The following FOLH1 variants were observed in gnomAD, a reference collection of about 807,000 sequenced individuals.
FOLH1 encodes the protein folate hydrolase 1.
FOLH1 carries 54 observed loss-of-function variants against 93.9 expected under a neutral mutation model. The observed-to-expected ratio is 0.57, with a 90% CI of 0.46 to 0.72. The LOEUF (loss-of-function observed/expected upper bound fraction) is 0.72. FOLH1 is among the 30% of genes least tolerant of loss of function. The pLI is 0.00. For synonymous variants in FOLH1, 249 were observed against 303.6 expected (o/e 0.82, Z 1.87); for missense variants, 571 against 892.5 (o/e 0.64, Z 4.59).
intron 7 of FOLH1, among the ~76,000 whole-genome samples, chr11:49,178,996 A>G (rs1860416786): frequency 6.6e-6 from 1 of 152,242 alleles, no homozygotes; most frequent in South Asian, 2.1e-4. Flanking sequence ...AAGAAAATAC[A>G]TATAAAACCA....
intron 17 of FOLH1, among the ~76,000 whole-genome samples, chr11:49,151,761 C>A (rs1856536743): frequency 6.6e-6 from 1 of 152,022 alleles, no homozygotes; most frequent in African/African-American, 2.4e-5. Flanking sequence ...CTAAACAAAC[C>A]ACAATTCAAA....
intron 1 of FOLH1, among the ~76,000 whole-genome samples, chr11:49,207,373 A>C (rs1864095090): frequency 6.6e-6 from 1 of 152,246 alleles, no homozygotes; most frequent in Non-Finnish European, 1.5e-5. Flanking sequence ...TGTGTGGTTC[A>C]AAAATCTTTT....
At chr11:49,206,221 G>C (rs1485397642) in intron 1 of FOLH1, 49 bp from the exon 2 acceptor site, 3 of 1,605,552 alleles carry the variant, frequency 1.9e-6, no homozygotes. Context: ...CTATAGATAG[G>C]ACTTATTTTT....
intron 10 of FOLH1, among the ~76,000 whole-genome samples, chr11:49,172,829 G>A (rs1255755920): frequency 1.3e-5 from 2 of 152,174 alleles, no homozygotes; most frequent in Non-Finnish European, 2.9e-5. Flanking sequence ...GATGTTACGA[G>A]TGTAAACCTA....
At chr11:49,189,646 T>C (rs1335695107) in intron 4 of FOLH1, among the ~76,000 whole-genome samples, 1 of 152,164 alleles carries the variant, frequency 6.6e-6, no homozygotes, top group African/African-American at 2.4e-5. Context: ...TCATGGTAAG[T>C]TGAGAAGTGT....
intron 7 of FOLH1, among the ~76,000 whole-genome samples, chr11:49,182,799 A>C (rs1050420179): frequency 3.3e-5 from 5 of 152,188 alleles, no homozygotes; most frequent in Non-Finnish European, 7.3e-5. Flanking sequence ...ACAGGCCTGC[A>C]GTAGTATCCT....
chr11:49,163,614 G>A lies in FOLH1; in HGVS notation c.1440+1091C>T, dbSNP rs553977217. Among the ~76,000 whole-genome samples, 20 of 151,886 alleles carry A rather than the reference G, an allele frequency of 1.3e-4. No individual in the cohort carries two copies. The East Asian group carries it at 3.9e-3, about 30-fold the overall frequency. ...TCCTGTGAAGTGCTGTGGAAGTGGG[G>A]CCTGCAGACCATCACTGCTCAGGCC... On this transcript the variant is annotated intron_variant, in intron 13 of 18. Transcript: ENST00000256999.
intron 3 of FOLH1, among the ~76,000 whole-genome samples, chr11:49,198,231 C>T (rs970336563): frequency 6.6e-6 from 1 of 151,896 alleles, no homozygotes; most frequent in Non-Finnish European, 1.5e-5. Context: ...AAAAACTAAC[C>T]AGCACTTTGG....
chr11:49,158,916 T>A (rs774900250), intron 13 of FOLH1, among the ~76,000 whole-genome samples: 14 of 152,184 alleles, frequency 9.2e-5, no homozygotes, highest in Non-Finnish European at 1.9e-4. Flanking sequence ...TGGTAATTTG[T>A]GACTTGGCTC....
At chr11:49,184,368 T>G (rs1464861009) in intron 6 of FOLH1, among the ~76,000 whole-genome samples, 1 of 152,166 alleles carries the variant, frequency 6.6e-6, no homozygotes, top group Non-Finnish European at 1.5e-5. Context: ...ATTAGCCCCA[T>G]AGAAATAACA....
At chr11:49,198,216 T>TA (rs992993520) in intron 3 of FOLH1, among the ~76,000 whole-genome samples, 10 of 150,902 alleles carry the variant, frequency 6.6e-5, no homozygotes, top group Non-Finnish European at 1.0e-4. Context: ...GACCCCATCT[T>TA]AAAAAAAAAC....
At chr11:49,183,104 A>G (rs545275222) in intron 7 of FOLH1, 45 bp downstream of exon 7, 1 of 1,525,456 alleles carries the variant, frequency 6.6e-7, no homozygotes, top group South Asian at 1.2e-5. Flanking sequence ...AACTGTCAAT[A>G]AGAAAATTAC....
At chr11:49,156,637 A>G (rs1294286694) in intron 15 of FOLH1, 80 bp downstream of exon 15, 1 of 1,473,924 alleles carries the variant, frequency 6.8e-7, no homozygotes, top group Admixed American at 1.7e-5. Context: ...CTAATGCTTG[A>G]GTCACTTTTT....
Position 49,163,779 on chromosome 11 carries a change from G to A in FOLH1, c.1440+926C>T, listed in dbSNP as rs1166257504. 3.3e-5 allele frequency among the ~76,000 whole-genome samples: 5 copies of A among 152,084 alleles called. No homozygotes were observed. In the East Asian group the frequency reaches 5.8e-4, roughly 18 times the overall value. On this transcript the variant is annotated intron_variant, in intron 13 of 18. Coordinates refer to ENST00000256999, the MANE Select transcript of FOLH1 (RefSeq NM_004476.3). ...TGTCTCTGTGCATGCCTGAGTGGCT[G>A]TTCTGCTAAGACTCCATGCACCTGT...
intron 12 of FOLH1, among the ~76,000 whole-genome samples, chr11:49,166,401 T>C (rs1190524100): frequency 1.3e-5 from 2 of 152,238 alleles, no homozygotes; most frequent in African/African-American, 4.8e-5. Context: ...TTTCTTCTTT[T>C]ATACAAAAGG....
intron 1 of FOLH1, chr11:49,206,773 T>C: frequency 3.3e-6 from 5 of 1,535,788 alleles, no homozygotes; most frequent in Non-Finnish European, 3.5e-6. Flanking sequence ...GAAACTACAA[T>C]TTACCCAGCC....
In FOLH1 at chr11:49,194,379, C is replaced by T. The variant is rs577754507; in HGVS notation, c.412-1485G>A. Reference sequence around the variant, plus strand: ...CCTAAGAGAAATGATCAGGAGGAATCAGCCTTCAAATTAGCCTTAAAGAAT... The same window carrying T: ...CCTAAGAGAAATGATCAGGAGGAATTAGCCTTCAAATTAGCCTTAAAGAAT... On this transcript the variant is annotated intron_variant, in intron 3 of 18. Transcript: ENST00000256999. Among the ~76,000 whole-genome samples the T allele has an allele frequency of 2.6e-5, 4 of 152,040 alleles. 1 individual carries two copies. The highest frequency in any genetic ancestry group is 2.6e-4 in the Admixed American group (4 of 15,254).
At chr11:49,196,107 C>A (rs1336954920) in intron 3 of FOLH1, among the ~76,000 whole-genome samples, 1 of 151,968 alleles carries the variant, frequency 6.6e-6, no homozygotes, top group Non-Finnish European at 1.5e-5. Context: ...TGAGCTGAGA[C>A]CATGCCATTA....
intron 1 of FOLH1, 55 bp downstream of exon 1, chr11:49,208,237 C>G: frequency 7.8e-7 from 1 of 1,284,780 alleles, no homozygotes; most frequent in African/African-American, 1.5e-5. Context: ...CGAGTCCCAG[C>G]ACCGCGGCAC....
Sources: gnomAD v4.1 joint callset for allele counts (sites outside exome capture counted in the v4.1 genomes callset) on GRCh38, gnomAD v4.1.1 for gene constraint, MANE v1.5 for transcripts, NCBI Gene and HGNC (gene_info 2026-07-23, HGNC 2026-07-21) for gene names.